Variants in EHBP1L1 observed in about 807,000 individuals in gnomAD.
EHBP1L1 encodes EH domain-binding protein 1-like protein 1.
EHBP1L1 carries 122 observed loss-of-function variants against 151.1 expected under a neutral mutation model. The ratio of observed to expected loss-of-function variants is 0.81; its 90% CI spans 0.70 to 0.94. The LOEUF (loss-of-function observed/expected upper bound fraction) is 0.94, where lower values mean the gene tolerates loss of function less well. Ranked by LOEUF, EHBP1L1 falls within the 40% of genes least tolerant of loss-of-function variation. The pLI, the probability that EHBP1L1 is intolerant of heterozygous loss-of-function variation, is 0.00. For synonymous variants in EHBP1L1, 878 were observed against 810.1 expected, an observed-to-expected ratio of 1.08 and a Z score of -1.42; for missense variants, 1,941 against 1,959.8, an observed-to-expected ratio of 0.99 and a Z score of 0.18.
intron 9 of EHBP1L1, 121 bp from the exon 10 acceptor site, chr11:65,584,120 T>G (rs1018317155): frequency 6.7e-7 from 1 of 1,497,068 alleles, no homozygotes; most frequent in Non-Finnish European, 8.8e-7. Context: ...TAGCCAGTGG[T>G]CTCTGGTGAC....
At chr11:65,583,841 T>C (rs1006546979) in intron 9 of EHBP1L1, 76 bp downstream of exon 9, 1 of 1,432,398 alleles carries the variant, frequency 7.0e-7, no homozygotes, top group East Asian at 2.5e-5. Flanking sequence ...CGGCTCTGCA[T>C]GGACCCACCT....
chr11:65,582,094 T>C lies in EHBP1L1; in HGVS notation c.1422T>C (p.Ala474=), dbSNP rs1857641829. Residue 474 remains alanine (A), a synonymous_variant, in exon 9 of 19, where the codon GCT becomes GCC. Coordinates refer to ENST00000309295, the MANE Select transcript of EHBP1L1 (RefSeq NM_001099409.3). The part of the protein sequence containing the change: ...GRLGVRTRDE[A]PSGLSLPPAE... ...TGGGAGTCAGGACCAGGGATGAGGC[T>C]CCCTCAGGCCTGAGCCTGCCCCCAG... is the stretch of plus-strand genomic sequence containing the variant. 6.2e-7 allele frequency: 1 copy of C among 1,608,362 alleles called. No homozygotes were observed. The highest frequency in any genetic ancestry group is 8.5e-7 in the Non-Finnish European group (1 of 1,177,528).
chr11:65,580,500 G>A, intron 6 of EHBP1L1, 21 bp downstream of exon 6: 2 of 1,606,596 alleles, frequency 1.2e-6, no homozygotes, highest in South Asian at 2.2e-5. Flanking sequence ...AGCCTGCTGT[G>A]GATCGAGACT....
intron 6 of EHBP1L1, 119 bp from the exon 7 acceptor site, chr11:65,580,939 G>T: frequency 6.9e-7 from 1 of 1,458,186 alleles, no homozygotes. Context: ...CCGGGGCGGT[G>T]CCCTGAGGCC....
Position 65,582,250 on chromosome 11 carries a change from C to T in EHBP1L1, c.1578C>T (p.Gly526=). Residue 526 remains glycine (G), a synonymous_variant, in exon 9 of 19, where the codon GGC becomes GGT. Coordinates refer to ENST00000309295, the MANE Select transcript of EHBP1L1 (RefSeq NM_001099409.3). ...TTGAGGGGACAGGCCTGGAGCAGGG[C>T]CCTTCTGTTGGAGCAATAAGCACCA... The part of the protein sequence containing the change: ...PGIEGTGLEQ[G]PSVGAISTRP... 1.3e-6 allele frequency: 2 copies of T among 1,526,726 alleles called. No homozygotes were observed. Among genetic ancestry groups the T allele is most frequent in the South Asian group, 1.3e-5 (1 of 75,860 alleles). The allele number at this position is 1,526,726 out of a possible 1,614,324, so 94.6% of individuals were successfully genotyped here. A position where few individuals can be genotyped will look rare whatever the true frequency, so the allele number is the denominator to read the frequency against.
chr11:65,586,840 A>C (rs1014995217), intron 12 of EHBP1L1, among the ~76,000 whole-genome samples: 5 of 152,180 alleles, frequency 3.3e-5, no homozygotes, highest in Non-Finnish European at 7.3e-5. Context: ...TTAAATCTTA[A>C]AGGGGAGGTG....
At chr11:65,589,506 T>C (rs1389103818) in intron 12 of EHBP1L1, among the ~76,000 whole-genome samples, 5 of 151,760 alleles carry the variant, frequency 3.3e-5, no homozygotes, top group Admixed American at 3.3e-4. Context: ...GGAGCCTGGG[T>C]GTGGATGGGC....
At chr11:65,576,664 CCTT>C (rs1256597429) in intron 1 of EHBP1L1, among the ~76,000 whole-genome samples, 1 of 152,102 alleles carries the variant, frequency 6.6e-6, no homozygotes, top group African/African-American at 2.4e-5. Context: ...TGTGTCCACT[CCTT>C]CCTCAGCTGC....
Position 65,585,594 on chromosome 11 carries a change from G to A in EHBP1L1, c.3933+3G>A, listed in dbSNP as rs1191232390. 5 of 1,570,444 alleles carry A rather than the reference G, an allele frequency of 3.2e-6. No homozygotes were observed. The African/African-American group carries it at 5.4e-5, about 17-fold the overall frequency. On this transcript the variant is annotated splice_donor_region_variant and intron_variant, in intron 12 of 18. Coordinates refer to ENST00000309295, the MANE Select transcript of EHBP1L1 (RefSeq NM_001099409.3). This position sits in a 1 kb window ranked among gnomAD's most constrained non-coding sequence, Gnocchi z 4.0. ...GAGCCATGGGAGCTGCGGCTGCAGT[G>A]AGTGTCAAGGTCCTTCTTTCTTCCC...
Position 65,589,991 on chromosome 11 carries a change from G to A in EHBP1L1, c.4059G>A (p.Leu1353=). Residue 1353 remains leucine, a splice_region_variant and synonymous_variant, in exon 14 of 19, where the codon CTG becomes CTA. Transcript: ENST00000309295. ...PPPSPGEEAG[L]QRFQDTSQYV... ...CAAGCCCAGGGGAGGAGGCTGGGCTGGTAAGGAGGGCTAAGTGGGAGGAGC... is the reference window on the plus strand; with the variant it reads ...CAAGCCCAGGGGAGGAGGCTGGGCTAGTAAGGAGGGCTAAGTGGGAGGAGC... The A allele has an allele frequency of 6.2e-7, 1 of 1,601,466 alleles. No individual in the cohort carries two copies. The highest frequency in any genetic ancestry group is 8.5e-7 in the Non-Finnish European group (1 of 1,171,116).
In EHBP1L1 at chr11:65,583,125, T is replaced by C; in HGVS notation, c.2453T>C (p.Ile818Thr). The C allele has an allele frequency of 6.2e-7, 1 of 1,612,980 alleles. No individual in the cohort carries two copies. Among genetic ancestry groups the C allele is most frequent in the Non-Finnish European group, 8.5e-7 (1 of 1,179,668 alleles). ...EIATGTAETE[I>T]LGTQEIASRS... The stretch of plus-strand genomic sequence containing the variant: ...GCGACTGGGACAGCAGAAACTGAGA[T>C]ATTGGGGACCCAAGAGATAGCATCT... Residue 818 changes from isoleucine (I) to threonine (T), a missense_variant, in exon 9 of 19, where the codon ATA becomes ACA. Physicochemically the swap from Ile to Thr is moderately conservative, Grantham distance 89. Transcript: ENST00000309295.
rs1565129294 is a variant in EHBP1L1, at chr11:65,585,500, A to ACCTGCTCAAGAAGAGGCGCTCGCGGC, written c.3843_3868dup (p.Leu1290ProfsTer97). On this transcript the variant is annotated frameshift_variant, in exon 12 of 19. Coordinates refer to ENST00000309295, the MANE Select transcript of EHBP1L1 (RefSeq NM_001099409.3). LOFTEE classifies it high-confidence loss of function. This position sits in a 1 kb window ranked among gnomAD's most constrained non-coding sequence, Gnocchi z 4.0. ...TCCTTCTCCCACGTGCGCGACGCGG[A>ACCTGCTCAAGAAGAGGCGCTCGCGGC]CCTGCTCAAGAAGAGGCGCTCGCGG... 6.4e-7 allele frequency: 1 copy of ACCTGCTCAAGAAGAGGCGCTCGCGGC among 1,558,536 alleles called. No individual in the cohort carries two copies. Among genetic ancestry groups the ACCTGCTCAAGAAGAGGCGCTCGCGGC allele is most frequent in the Admixed American group, 1.9e-5 (1 of 53,876 alleles).
In EHBP1L1 at chr11:65,592,096, T is replaced by TGGCGCTGGGC. The variant is rs1565136009; in HGVS notation, c.4472+16_4472+25dup. ...CTGGACCACAAGGAGCGGATGTGAG[T>TGGCGCTGGGC]GGCGCTGGGCGGCGCTGGGAGTTGG... is the stretch of plus-strand genomic sequence containing the variant. On this transcript the variant is annotated splice_region_variant and intron_variant, in intron 18 of 18. Coordinates refer to ENST00000309295, the MANE Select transcript of EHBP1L1 (RefSeq NM_001099409.3). The TGGCGCTGGGC allele has an allele frequency of 1.2e-6, 2 of 1,612,546 alleles. No individual in the cohort carries two copies. The highest frequency in any genetic ancestry group is 2.2e-5 in the South Asian group (2 of 91,058).
intron 3 of EHBP1L1, 86 bp downstream of exon 3, chr11:65,579,522 C>T (rs1857489296): frequency 2.5e-5 from 29 of 1,169,788 alleles, no homozygotes; most frequent in Middle Eastern, 2.1e-4. Flanking sequence ...GTAGGTTGTT[C>T]ATCCAGATAG....
intron 2 of EHBP1L1, 64 bp downstream of exon 2, chr11:65,579,199 G>A: frequency 6.5e-7 from 1 of 1,541,960 alleles, no homozygotes. Context: ...GCTGATGGGG[G>A]CTGATGGGGG....
chr11:65,588,072 C>T (rs556788842), intron 12 of EHBP1L1, among the ~76,000 whole-genome samples: 2 of 151,852 alleles, frequency 1.3e-5, no homozygotes, highest in Admixed American at 6.6e-5. Context: ...GGGGTTGGAG[C>T]TGTGATGGGG....
Position 65,579,105 on chromosome 11 carries a change from G to C in EHBP1L1, c.132G>C (p.Trp44Cys). 1.3e-6 allele frequency: 2 copies of C among 1,594,666 alleles called. No individual in the cohort carries two copies. The highest frequency in any genetic ancestry group is 8.5e-7 in the Non-Finnish European group (1 of 1,170,830). Reference sequence around the variant, plus strand: ...AGCCAGATAAGCTGGTGGTGGTATGGACCCGTCGGAACCGACGCATCTGCT... The same window carrying C: ...AGCCAGATAAGCTGGTGGTGGTATGCACCCGTCGGAACCGACGCATCTGCT... ...KWQPDKLVVV[W>C]TRRNRRICSK... Residue 44 changes from tryptophan (W) to cysteine (C), a missense_variant, in exon 2 of 19, where the codon TGG becomes TGC. By Grantham distance (215) the Trp-to-Cys change is radical. Coordinates refer to ENST00000309295, the MANE Select transcript of EHBP1L1 (RefSeq NM_001099409.3).
intron 9 of EHBP1L1, 74 bp from the exon 10 acceptor site, chr11:65,584,167 G>T: frequency 6.4e-7 from 1 of 1,556,816 alleles, no homozygotes; most frequent in Non-Finnish European, 8.6e-7. Flanking sequence ...TGTGTGCCAG[G>T]CATGAGCTTC....
rs772661889 is a variant in EHBP1L1 at position 65,581,920 on chromosome 11, A to G, written c.1248A>G (p.Glu416=). The G allele has an allele frequency of 3.1e-6, 5 of 1,613,760 alleles. No individual in the cohort carries two copies. Among genetic ancestry groups the G allele is most frequent in the African/African-American group, 1.3e-5 (1 of 75,060 alleles). The change falls in exon 9 of 19, where the codon GAA becomes GAG. Residue 416 remains glutamate, a synonymous_variant. Coordinates refer to ENST00000309295, the MANE Select transcript of EHBP1L1 (RefSeq NM_001099409.3). ...KRSGVRAGEA[E]ESSAVCQVDA... ...CAGGAGTCAGAGCTGGGGAGGCTGA[A>G]GAGAGTTCAGCAGTTTGTCAAGTGG...
Sources: gnomAD v4.1 joint callset for allele counts (sites outside exome capture counted in the v4.1 genomes callset) on GRCh38, gnomAD v4.1.1 for gene constraint, Gnocchi (gnomAD v3.1) non-coding constraint, MANE v1.5 for transcripts, NCBI Gene and HGNC (gene_info 2026-07-23, HGNC 2026-07-21) for gene names.